CSGALNACT1: variants seen among roughly 807,000 people sequenced by gnomAD.
The protein encoded by CSGALNACT1 is chondroitin sulfate N-acetylgalactosaminyltransferase 1.
CSGALNACT1 carries 52 observed loss-of-function variants against 51.0 expected under a neutral mutation model. The observed-to-expected ratio is 1.02, with a 90% CI of 0.82 to 1.29. CSGALNACT1 has a LOEUF of 1.29. Among genes scored for constraint, CSGALNACT1 ranks in the 50% most tolerant of loss-of-function variants. The pLI is 0.00. For synonymous variants in CSGALNACT1, 341 were observed against 254.4 expected, an observed-to-expected ratio of 1.34 and a Z score of -3.24; for missense variants, 935 against 679.2, an observed-to-expected ratio of 1.38 and a Z score of -4.19.
At chr8:19,405,195 C>A (rs1489412538) in exon 10 of CSGALNACT1, 1 of 448,440 alleles carries the variant, frequency 2.2e-6, no homozygotes, top group Non-Finnish European at 4.4e-6. Context: ...AAAAGGACAA[C>A]CAAAAAGATA....
intron 2 of CSGALNACT1, among the ~76,000 whole-genome samples, chr8:19,593,105 C>T (rs1016151437): frequency 3.3e-5 from 5 of 152,168 alleles, no homozygotes; most frequent in Non-Finnish European, 5.9e-5. Context: ...GTACAAGAAG[C>T]TAACTGCTTC....
chr8:19,709,403 C>A (rs1411296657), intron 1 of CSGALNACT1, among the ~76,000 whole-genome samples: 1 of 152,160 alleles, frequency 6.6e-6, no homozygotes, highest in Non-Finnish European at 1.5e-5. Flanking sequence ...AGAAAGCAAA[C>A]AAATTAACAG....
chr8:19,504,577 G>GA (rs559597281), intron 4 of CSGALNACT1, among the ~76,000 whole-genome samples: 2 of 151,968 alleles, frequency 1.3e-5, no homozygotes, highest in Non-Finnish European at 2.9e-5. Context: ...CTACGCCCGT[G>GA]AAAAAAAAGA....
At position 19,610,289 on chromosome 8, in the gene CSGALNACT1, C is replaced by CAAAAAAAA. The variant is rs58262538; in HGVS notation, c.-543-8432_-543-8425dup. On this transcript the variant is annotated intron_variant, in intron 1 of 9. Transcript: ENST00000332246. ...TGGGCGACAGAGTACGACTCCGTCTCAAAAAAAAAAAAAAAAAAAAAAGAT... is the reference window on the plus strand; with the variant it reads ...TGGGCGACAGAGTACGACTCCGTCTCAAAAAAAAAAAAAAAAAAAAAAAAAAAAAAGAT... Among the ~76,000 whole-genome samples the CAAAAAAAA allele has an allele frequency of 4.1e-3, 196 of 47,634 alleles. 15 individuals carry two copies. Among genetic ancestry groups the CAAAAAAAA allele is most frequent in the African/African-American group, 0.015 (183 of 12,066 alleles). 31.2% of individuals were successfully genotyped at this position (47,634 alleles called of 152,430 possible). A position where few individuals can be genotyped will look rare whatever the true frequency, so the allele number is the denominator to read the frequency against.
intron 8 of CSGALNACT1, among the ~76,000 whole-genome samples, chr8:19,412,085 A>AT (rs1165785008): frequency 6.6e-6 from 1 of 152,148 alleles, no homozygotes. Context: ...CACCTGCCTC[A>AT]GCCTCCTAAA....
chr8:19,625,192 C>T (rs189672700), intron 1 of CSGALNACT1, among the ~76,000 whole-genome samples: 162 of 152,232 alleles, frequency 1.1e-3, no homozygotes, highest in Non-Finnish European at 1.7e-3. Flanking sequence ...CCAGGAGGGA[C>T]GTGGGGTGGT....
chr8:19,509,082 A>T (rs566391638), intron 3 of CSGALNACT1, among the ~76,000 whole-genome samples: 140 of 152,330 alleles, frequency 9.2e-4, no homozygotes, highest in African/African-American at 3.3e-3. Context: ...GCAGCAATGA[A>T]TTTTTCCTTT....
chr8:19,436,301 G>A (rs549251217), intron 6 of CSGALNACT1, among the ~76,000 whole-genome samples: 5 of 152,150 alleles, frequency 3.3e-5, no homozygotes, highest in Non-Finnish European at 7.3e-5. Flanking sequence ...GGTTTTAGGA[G>A]CGAGCATATT....
chr8:19,634,188 A>G (rs1287259580), intron 1 of CSGALNACT1, among the ~76,000 whole-genome samples: 1 of 152,250 alleles, frequency 6.6e-6, no homozygotes, highest in Non-Finnish European at 1.5e-5. Flanking sequence ...TTTCATACAC[A>G]TAAAACGTCT....
chr8:19,541,064 C>G (rs150361635), intron 3 of CSGALNACT1, among the ~76,000 whole-genome samples: 1 of 151,820 alleles, frequency 6.6e-6, no homozygotes, highest in East Asian at 1.9e-4. Context: ...CAAAATTATA[C>G]TAATGTATTT....
At position 19,664,920 on chromosome 8, in the gene CSGALNACT1, G is replaced by A. The variant is rs140477912; in HGVS notation, c.-544+17553C>T. On this transcript the variant is annotated intron_variant, in intron 1 of 9. Transcript: ENST00000332246. ...TGGGGGGTGAGAGACAACAAATTAC[G>A]TAATGGGTACAATGTATACTATTTG... Among the ~76,000 whole-genome samples the A allele has an allele frequency of 1.1e-3, 160 of 152,272 alleles. 3 individuals carry two copies. Among genetic ancestry groups the A allele is most frequent in the African/African-American group, 3.7e-3 (154 of 41,550 alleles).
At chr8:19,574,352 A>G (rs899042264) in intron 3 of CSGALNACT1, among the ~76,000 whole-genome samples, 2 of 152,136 alleles carry the variant, frequency 1.3e-5, no homozygotes, top group African/African-American at 4.8e-5. Flanking sequence ...TCTTGCAACA[A>G]CTTCCACAGC....
upstream of CSGALNACT1, among the ~76,000 whole-genome samples, chr8:19,606,652 CAT>C (rs2154149272): frequency 6.6e-6 from 1 of 152,308 alleles, no homozygotes; most frequent in African/African-American, 2.4e-5. Flanking sequence ...TCAACGGAAA[CAT>C]ATCTATTTTT....
intron 1 of CSGALNACT1, among the ~76,000 whole-genome samples, chr8:19,616,682 TTC>T (rs141483018): frequency 3.8e-4 from 57 of 150,054 alleles, no homozygotes; most frequent in Non-Finnish European, 6.4e-4. Context: ...TCCCCCCTCA[TTC>T]TCTCTCTCTC....
chr8:19,548,125 G>C (rs950022610), intron 3 of CSGALNACT1, among the ~76,000 whole-genome samples: 1 of 152,196 alleles, frequency 6.6e-6, no homozygotes, highest in Admixed American at 6.6e-5. Flanking sequence ...ATTGAATTTG[G>C]ATTATATTTC....
chr8:19,457,688 C>G (rs1332993090), intron 5 of CSGALNACT1: 10 of 1,311,170 alleles, frequency 7.6e-6, no homozygotes, highest in Middle Eastern at 4.2e-4. Context: ...ATGTTTAAAA[C>G]AAGCTGGTGA....
chr8:19,600,313 C>G (rs575900000), intron 2 of CSGALNACT1, among the ~76,000 whole-genome samples: 1 of 152,294 alleles, frequency 6.6e-6, no homozygotes, highest in East Asian at 1.9e-4. Flanking sequence ...AACTCTTGAC[C>G]TTGTGATCCA....
chr8:19,436,238 T>C (rs901227375), intron 6 of CSGALNACT1, among the ~76,000 whole-genome samples: 2 of 152,256 alleles, frequency 1.3e-5, no homozygotes, highest in Admixed American at 1.3e-4. Flanking sequence ...CCAAATAACA[T>C]AAATTTCATT....
At chr8:19,711,059 TA>T (rs1479302460) in intron 1 of CSGALNACT1, among the ~76,000 whole-genome samples, 1 of 152,202 alleles carries the variant, frequency 6.6e-6, no homozygotes, top group Non-Finnish European at 1.5e-5. Context: ...GGTCAACCTT[TA>T]CATATTCATT....
Sources: gnomAD v4.1 joint callset for allele counts (sites outside exome capture counted in the v4.1 genomes callset) on GRCh38, gnomAD v4.1.1 for gene constraint, MANE v1.5 for transcripts, NCBI Gene and HGNC (gene_info 2026-07-23, HGNC 2026-07-21) for gene names.